HECTD4: variants seen among roughly 807,000 people sequenced by gnomAD.
HECTD4 encodes HECT domain E3 ubiquitin protein ligase 4.
Under a neutral mutation model 471.5 loss-of-function variants are expected in HECTD4, and 114 were observed. That is an observed-to-expected ratio of 0.24 (90% CI 0.21 to 0.28). The LOEUF is 0.28. Ranked by LOEUF, HECTD4 falls within the 10% of genes least tolerant of loss-of-function variation. The probability of loss-of-function intolerance (pLI) is 1.00; values close to 1 mark genes in which losing one functional copy is unlikely to be tolerated. For missense variants in HECTD4, 3,866 were observed against 5,651.5 expected (o/e 0.68, Z 10.13); for synonymous variants, 2,012 against 2,256.0 (o/e 0.89, Z 3.07).
rs985467283 is a variant in HECTD4, at chr12:112,193,373, C to T, written c.8955+96G>A. ...AAAAGGAAATCGAGAGGAATAGGGACTTGGAAGGGAAAGGGGAGTCATTTT... is the reference window on the plus strand; with the variant it reads ...AAAAGGAAATCGAGAGGAATAGGGATTTGGAAGGGAAAGGGGAGTCATTTT... On this transcript the variant is annotated intron_variant, in intron 57 of 75. Transcript: ENST00000682272. This position sits in a 1 kb window ranked among gnomAD's most constrained non-coding sequence, Gnocchi z 5.2. The T allele has an allele frequency of 4.4e-6, 6 of 1,365,334 alleles. No individual in the cohort carries two copies. The highest frequency in any genetic ancestry group is 6.1e-6 in the Non-Finnish European group (6 of 981,434). 84.6% of individuals were successfully genotyped at this position (1,365,334 alleles called of 1,614,324 possible).
At chr12:112,237,803 G>A (rs1322278800) in intron 34 of HECTD4, among the ~76,000 whole-genome samples, 1 of 151,272 alleles carries the variant, frequency 6.6e-6, no homozygotes, top group Non-Finnish European at 1.5e-5. Context: ...TGCCCAGGCT[G>A]GAGTGCAATG....
chr12:112,266,943 G>C lies in HECTD4; in HGVS notation c.2361C>G (p.Ile787Met). Reference sequence around the variant, plus strand: ...TTAAGACCAGTTTAAGTAAGTTATTGATTTCAGTTTCACCTGGGTACAAGA... The same window carrying C: ...TTAAGACCAGTTTAAGTAAGTTATTCATTTCAGTTTCACCTGGGTACAAGA... ...LNILYPGETEINNLLKLVLTE... is the reference protein window; with the variant it reads ...LNILYPGETEMNNLLKLVLTE... Residue 787 changes from isoleucine to methionine, a missense_variant, in exon 14 of 76, where the codon ATC (isoleucine) becomes ATG (methionine). By Grantham distance (10) the Ile-to-Met change is conservative. Around this residue, in one of 16 missense-constraint regions of HECTD4, gnomAD observed 525 missense variants for 672.6 expected, o/e 0.78. Coordinates refer to ENST00000682272, the MANE Select transcript of HECTD4 (RefSeq NM_001388303.1). 4 of 1,534,886 alleles carry C rather than the reference G, an allele frequency of 2.6e-6. No individual in the cohort carries two copies. Among genetic ancestry groups the C allele is most frequent in the Non-Finnish European group, 2.7e-6 (3 of 1,129,526 alleles).
At chr12:112,302,689 G>A in intron 7 of HECTD4, 1 of 469,778 alleles carries the variant, frequency 2.1e-6, no homozygotes, top group Non-Finnish European at 3.7e-6. Flanking sequence ...TGGGAGGCCA[G>A]TTAGCTGTTT....
intron 9 of HECTD4, among the ~76,000 whole-genome samples, chr12:112,278,532 C>CT (rs1296443511): frequency 1.3e-5 from 2 of 152,132 alleles, no homozygotes; most frequent in Non-Finnish European, 2.9e-5. Context: ...TTTTCTATGT[C>CT]TTATGCTTAG....
chr12:112,248,762 T>A (rs898503746), intron 25 of HECTD4, among the ~76,000 whole-genome samples: 3 of 151,706 alleles, frequency 2.0e-5, no homozygotes, highest in Admixed American at 6.6e-5. Context: ...AGAAAAAAAA[T>A]TTTAGGGTGG....
intron 7 of HECTD4, 62 bp downstream of exon 7, chr12:112,306,002 T>C (rs778471033): frequency 1.5e-4 from 223 of 1,508,884 alleles, no homozygotes; most frequent in Non-Finnish European, 1.9e-4. Flanking sequence ...TGCACACCAA[T>C]ATAAAAAGAA....
intron 25 of HECTD4, among the ~76,000 whole-genome samples, chr12:112,249,170 C>T (rs1175102948): frequency 2.6e-5 from 4 of 151,876 alleles, no homozygotes; most frequent in South Asian, 2.1e-4. Flanking sequence ...GACTGGCCAA[C>T]GTGGAGAAAC....
chr12:112,311,290 G>C (rs552070722), intron 4 of HECTD4, among the ~76,000 whole-genome samples: 2 of 151,434 alleles, frequency 1.3e-5, no homozygotes, highest in Admixed American at 6.6e-5. Context: ...ACATAAATTA[G>C]TCTAAAAACT....
At chr12:112,230,845 G>C in intron 39 of HECTD4, 23 bp from the exon 40 acceptor site, 1 of 1,602,124 alleles carries the variant, frequency 6.2e-7, no homozygotes, top group East Asian at 2.3e-5. Flanking sequence ...ACAGGAAAAA[G>C]TGTCAGTGCC....
In HECTD4 at chr12:112,160,513, A is replaced by G. The variant is rs1160623126; in HGVS notation, c.*1874T>C. 3.3e-5 allele frequency: 5 copies of G among 152,300 alleles called. No homozygotes were observed. Among genetic ancestry groups the G allele is most frequent in the South Asian group, 2.1e-4 (1 of 4,820 alleles). 9.4% of individuals were successfully genotyped at this position (152,300 alleles called of 1,614,324 possible). On this transcript the variant is annotated 3_prime_UTR_variant, in exon 76 of 76. Coordinates refer to ENST00000682272, the MANE Select transcript of HECTD4 (RefSeq NM_001388303.1). Reference sequence around the variant, plus strand: ...AAGGTTTGGATCTGTCTGGACCTCAATGTGCTCTCGGAGAAGCAGCCACGT... The same window carrying G: ...AAGGTTTGGATCTGTCTGGACCTCAGTGTGCTCTCGGAGAAGCAGCCACGT...
intron 1 of HECTD4, among the ~76,000 whole-genome samples, chr12:112,376,777 C>T (rs73425452): frequency 0.04 from 6,073 of 152,232 alleles, 267 homozygotes; most frequent in African/African-American, 0.11. Context: ...CAGGTCTCTG[C>T]TCAAAAGCCA....
At chr12:112,284,899 C>T (rs1458284225) in intron 7 of HECTD4, among the ~76,000 whole-genome samples, 3 of 152,090 alleles carry the variant, frequency 2.0e-5, no homozygotes, top group Non-Finnish European at 4.4e-5. Context: ...GGTGTGATCA[C>T]AGCTCACTGA....
chr12:112,253,400 T>C (rs1042088825), intron 22 of HECTD4, among the ~76,000 whole-genome samples: 10 of 152,160 alleles, frequency 6.6e-5, no homozygotes, highest in African/African-American at 1.7e-4. Context: ...GCTGGGACTA[T>C]AGGCGTGAGC....
chr12:112,253,574 C>T (rs16941968), intron 22 of HECTD4, among the ~76,000 whole-genome samples: 1 of 152,114 alleles, frequency 6.6e-6, no homozygotes, highest in East Asian at 1.9e-4. Flanking sequence ...GGCAGATACA[C>T]AGTTAAGTAG....
At chr12:112,250,423 G>A in intron 24 of HECTD4, 46 bp from the exon 25 acceptor site, 2 of 1,351,274 alleles carry the variant, frequency 1.5e-6, no homozygotes, top group South Asian at 2.4e-5. Context: ...CTCAACAAGA[G>A]TATTGGAAAG....
chr12:112,163,966 G>T lies in HECTD4; in HGVS notation c.12701+143C>A, dbSNP rs2030816763. On this transcript the variant is annotated intron_variant, in intron 73 of 75. Coordinates refer to ENST00000682272, the MANE Select transcript of HECTD4 (RefSeq NM_001388303.1). The surrounding 1 kb of genome is among the most constrained non-coding windows in gnomAD (Gnocchi z 8.2). Reference sequence around the variant, plus strand: ...CCTCTTTCTTGGCACCCACCATCCTGCCTCATCTCCCTCTCCTGGTGAAAT... The same window carrying T: ...CCTCTTTCTTGGCACCCACCATCCTTCCTCATCTCCCTCTCCTGGTGAAAT... 3 of 954,322 alleles carry T rather than the reference G, an allele frequency of 3.1e-6. No homozygotes were observed. Among genetic ancestry groups the T allele is most frequent in the African/African-American group, 1.7e-5 (1 of 59,736 alleles). 59.1% of individuals were successfully genotyped at this position (954,322 alleles called of 1,614,324 possible).
chr12:112,258,410 TA>T, intron 20 of HECTD4, 85 bp downstream of exon 20: 1 of 958,882 alleles, frequency 1.0e-6, no homozygotes, highest in Non-Finnish European at 1.5e-6. Flanking sequence ...TAATCCTTGC[TA>T]AAAATCATTT....
chr12:112,308,415 T>C (rs1244622142), intron 6 of HECTD4, among the ~76,000 whole-genome samples: 1 of 103,658 alleles, frequency 9.6e-6, no homozygotes. Flanking sequence ...CTTCCCAAAA[T>C]AGATCTGGTT....
Position 112,239,980 on chromosome 12 carries a change from G to T in HECTD4, c.5006C>A (p.Ala1669Asp), listed in dbSNP as rs377629085. Reference sequence around the variant, plus strand: ...AACAGAGGTCATGGTCTCGCCAAAGGCTTCCTGGACCTGCTCGACCATCCC... The same window carrying T: ...AACAGAGGTCATGGTCTCGCCAAAGTCTTCCTGGACCTGCTCGACCATCCC... ...CGGMVEQVQE[A>D]FGETMTSVVS... The change falls in exon 33 of 76, where the codon GCC (alanine) becomes GAC (aspartate). Residue 1669 changes from alanine to aspartate, a missense_variant. Physicochemically the swap from Ala to Asp is moderately radical, Grantham distance 126. Coordinates refer to ENST00000682272, the MANE Select transcript of HECTD4 (RefSeq NM_001388303.1). This position sits in a 1 kb window ranked among gnomAD's most constrained non-coding sequence, Gnocchi z 4.9. The T allele has an allele frequency of 5.0e-6, 8 of 1,613,986 alleles. No individual in the cohort carries two copies. The highest frequency in any genetic ancestry group is 2.2e-5 in the East Asian group (1 of 44,880).
Sources: allele counts gnomAD v4.1 joint callset (sites outside exome capture counted in the v4.1 genomes callset), GRCh38; gene constraint gnomAD v4.1.1; regional missense constraint gnomAD v4.1.1; non-coding constraint Gnocchi (gnomAD v3.1); transcripts MANE v1.5; gene names NCBI Gene and HGNC (gene_info 2026-07-23, HGNC 2026-07-21).